TOM1: variants seen among roughly 807,000 people sequenced by gnomAD.
The protein encoded by TOM1 is target of myb1 membrane trafficking protein, also known as target of Myb protein 1.
In TOM1, 38 loss-of-function variants were observed where a neutral mutation model predicts 61.3. That is an observed-to-expected ratio of 0.62 (90% CI 0.48 to 0.81). TOM1 has a LOEUF of 0.81. Ranked by LOEUF, TOM1 falls within the 40% of genes least tolerant of loss-of-function variation. The pLI is 0.00. For synonymous variants in TOM1, 270 were observed against 268.8 expected (o/e 1.00, Z -0.04); for missense variants, 591 against 659.6 (o/e 0.90, Z 1.14).
chr22:35,312,650 G>A (rs193271244), intron 1 of TOM1, among the ~76,000 whole-genome samples: 356 of 152,348 alleles, frequency 2.3e-3, no homozygotes, highest in Admixed American at 3.7e-3. Context: ...GACTGAGGGT[G>A]TGACGTGCTT....
At chr22:35,313,552 G>C (rs937419524) in intron 1 of TOM1, among the ~76,000 whole-genome samples, 1 of 152,194 alleles carries the variant, frequency 6.6e-6, no homozygotes, top group Non-Finnish European at 1.5e-5. Flanking sequence ...GAGGCAGGCA[G>C]TCTTATCCTG....
At chr22:35,337,747 C>G (rs1052043247) in intron 11 of TOM1, among the ~76,000 whole-genome samples, 1 of 152,230 alleles carries the variant, frequency 6.6e-6, no homozygotes, top group Non-Finnish European at 1.5e-5. Flanking sequence ...TGGCCTTGTT[C>G]CTAACAGGAA....
chr22:35,304,680 G>T (rs374495709), intron 1 of TOM1, among the ~76,000 whole-genome samples: 1 of 152,064 alleles, frequency 6.6e-6, no homozygotes, highest in Non-Finnish European at 1.5e-5. Context: ...GGGTTTCACC[G>T]TGTTAGCCAG....
In TOM1 at chr22:35,347,883, C is replaced by G. The variant is rs576698899; in HGVS notation, c.*674C>G. 5.2e-5 allele frequency: 8 copies of G among 152,944 alleles called. No homozygotes were observed. The South Asian group carries it at 8.3e-4, about 16-fold the overall frequency. 9.5% of individuals were successfully genotyped at this position (152,944 alleles called of 1,614,324 possible). On this transcript the variant is annotated 3_prime_UTR_variant, in exon 15 of 15. Transcript: ENST00000449058. ...CCATCCTTCCTCTGTTCCTTCTGGC[C>G]GGGCACCACAGCACTGGGGCTCACC...
intron 12 of TOM1, among the ~76,000 whole-genome samples, chr22:35,339,679 C>T (rs1038892669): frequency 5.3e-5 from 8 of 151,800 alleles, no homozygotes; most frequent in East Asian, 3.9e-4. Context: ...CCGAGGCGGG[C>T]GGATCACGAG....
intron 1 of TOM1, among the ~76,000 whole-genome samples, chr22:35,308,884 G>T (rs1926576588): frequency 6.6e-6 from 1 of 152,150 alleles, no homozygotes; most frequent in Admixed American, 6.5e-5. Context: ...GGTTTCTCTT[G>T]TGGTTTATGG....
chr22:35,333,068 G>C, intron 9 of TOM1, 54 bp downstream of exon 9: 2 of 1,585,316 alleles, frequency 1.3e-6, no homozygotes, highest in Non-Finnish European at 1.7e-6. Flanking sequence ...GGAAGAAGGA[G>C]TGCCATTCTC....
chr22:35,336,793 G>T (rs1929379498), intron 11 of TOM1: 1 of 152,286 alleles, frequency 6.6e-6, no homozygotes, highest in Non-Finnish European at 1.5e-5. Context: ...TAGCCCAGGG[G>T]TCACCACCCA....
intron 2 of TOM1, 131 bp from the exon 3 acceptor site, chr22:35,321,828 T>G: frequency 2.4e-6 from 2 of 830,114 alleles, no homozygotes; most frequent in Middle Eastern, 2.2e-4. Context: ...GATCAGAACC[T>G]GGCTGGATAC....
Position 35,307,707 on chromosome 22 carries a change from A to G in TOM1, c.52+7727A>G, listed in dbSNP as rs940340443. 2.5e-4 allele frequency among the ~76,000 whole-genome samples: 38 copies of G among 152,292 alleles called. 1 individual carries two copies. The highest frequency in any genetic ancestry group is 3.9e-4 in the Admixed American group (6 of 15,298). On this transcript the variant is annotated intron_variant, in intron 1 of 14. Coordinates refer to ENST00000449058, the MANE Select transcript of TOM1 (RefSeq NM_005488.3). The stretch of plus-strand genomic sequence containing the variant: ...GGACGGAGCCTGGAGTCTTCCCAGA[A>G]GGGAAGGACGGAGCCAGGGGAGAAG...
chr22:35,325,627 A>G (rs572846958), intron 6 of TOM1, among the ~76,000 whole-genome samples: 1 of 152,326 alleles, frequency 6.6e-6, no homozygotes, highest in African/African-American at 2.4e-5. Context: ...ATGAGTGCTG[A>G]CAGCGAGCTG....
At chr22:35,330,955 G>A (rs2145684198) in intron 8 of TOM1, among the ~76,000 whole-genome samples, 1 of 152,330 alleles carries the variant, frequency 6.6e-6, no homozygotes, top group South Asian at 2.1e-4. Context: ...TGAAACTGAT[G>A]TCTCCCAACA....
At chr22:35,322,105 C>A in intron 3 of TOM1, 68 bp downstream of exon 3, 1 of 1,426,838 alleles carries the variant, frequency 7.0e-7, no homozygotes, top group Non-Finnish European at 9.9e-7. Context: ...CCCTCAGACC[C>A]AGCAGGACTC....
chr22:35,311,750 A>G (rs1002713530), intron 1 of TOM1, among the ~76,000 whole-genome samples: 1 of 152,212 alleles, frequency 6.6e-6, no homozygotes, highest in African/African-American at 2.4e-5. Context: ...ACCTCTGCAC[A>G]TTGGCTGCCC....
intron 1 of TOM1, among the ~76,000 whole-genome samples, chr22:35,310,509 G>A (rs779893591): frequency 5.9e-5 from 9 of 152,296 alleles, no homozygotes; most frequent in Non-Finnish European, 8.8e-5. Context: ...AGCCGAGATC[G>A]TGCCACTGCA....
chr22:35,323,368 G>C lies in TOM1; in HGVS notation c.367-128G>C, dbSNP rs1928005915. On this transcript the variant is annotated intron_variant, in intron 4 of 14. Coordinates refer to ENST00000449058, the MANE Select transcript of TOM1 (RefSeq NM_005488.3). The surrounding 1 kb of genome is among the most constrained non-coding windows in gnomAD (Gnocchi z 4.2). ...CAACTGCGTGCTTTGCTGTGGAGTG[G>C]GCAGGGCAGATGTAGTTAAAAAAAA... 4.3e-6 allele frequency: 6 copies of C among 1,395,876 alleles called. No individual in the cohort carries two copies. Among genetic ancestry groups the C allele is most frequent in the Non-Finnish European group, 4.9e-6 (5 of 1,024,696 alleles). 86.5% of individuals were successfully genotyped at this position (1,395,876 alleles called of 1,614,324 possible). A position where few individuals can be genotyped will look rare whatever the true frequency, so the allele number is the denominator to read the frequency against.
intron 3 of TOM1, 101 bp from the exon 4 acceptor site, chr22:35,322,927 G>A (rs975513724): frequency 3.2e-5 from 45 of 1,411,808 alleles, no homozygotes; most frequent in Middle Eastern, 3.7e-4. Flanking sequence ...CTCCTCTCCC[G>A]GGCCTCCTCT....
chr22:35,299,684 C>G (rs1266472082), upstream of TOM1: 4 of 531,168 alleles, frequency 7.5e-6, no homozygotes, highest in Non-Finnish European at 1.3e-5. Context: ...TCCCGGGCCC[C>G]GACCCCAGAC....
In TOM1 at chr22:35,300,106, G is replaced by T; in HGVS notation, c.52+126G>T. The T allele has an allele frequency of 2.8e-6, 3 of 1,061,934 alleles. No homozygotes were observed. In the South Asian group the frequency reaches 4.4e-5, roughly 16 times the overall value. 65.8% of individuals were successfully genotyped at this position (1,061,934 alleles called of 1,614,324 possible). ...CAAGGAGGCTGGCGTGTAGCTCTCCGACCTGGCTCCGCCCAGCTTTCCTCC... is the reference window on the plus strand; with the variant it reads ...CAAGGAGGCTGGCGTGTAGCTCTCCTACCTGGCTCCGCCCAGCTTTCCTCC... On this transcript the variant is annotated intron_variant, in intron 1 of 14. Transcript: ENST00000449058.
Sources: allele counts gnomAD v4.1 joint callset (sites outside exome capture counted in the v4.1 genomes callset), GRCh38; gene constraint gnomAD v4.1.1; non-coding constraint Gnocchi (gnomAD v3.1); transcripts MANE v1.5; gene names NCBI Gene and HGNC (gene_info 2026-07-23, HGNC 2026-07-21).